Variants in CCNY observed in about 807,000 individuals in gnomAD.
The protein encoded by CCNY is cyclin-Y.
A neutral mutation model predicts 42.8 loss-of-function variants in CCNY; 19 were observed. The ratio of observed to expected loss-of-function variants is 0.44; its 90% CI spans 0.31 to 0.65. CCNY has a LOEUF of 0.65. Ranked by LOEUF, CCNY falls within the 30% of genes least tolerant of loss-of-function variation. The pLI, the probability that CCNY is intolerant of heterozygous loss-of-function variation, is 0.07. For missense variants in CCNY, 370 were observed against 437.3 expected (o/e 0.85, Z 1.37); for synonymous variants, 165 against 162.7 (o/e 1.01, Z -0.11).
intron 1 of CCNY, among the ~76,000 whole-genome samples, chr10:35,422,687 T>G (rs1241592305): frequency 6.6e-6 from 1 of 152,234 alleles, no homozygotes; most frequent in African/African-American, 2.4e-5. Flanking sequence ...AGCATTCCAT[T>G]AGAGATTTAT....
At chr10:35,561,169 T>C (rs1280405150) in intron 8 of CCNY, among the ~76,000 whole-genome samples, 1 of 152,134 alleles carries the variant, frequency 6.6e-6, no homozygotes, top group African/African-American at 2.4e-5. Flanking sequence ...AGCTTGTCCT[T>C]CTTGGCACGC....
intron 1 of CCNY, among the ~76,000 whole-genome samples, chr10:35,432,594 G>C (rs1825534384): frequency 6.6e-6 from 1 of 152,164 alleles, no homozygotes; most frequent in African/African-American, 2.4e-5. Context: ...CTGTTGGGTA[G>C]AGCATATATA....
At chr10:35,281,605 G>A (rs1835299896) in intron 3 of CCNY, among the ~76,000 whole-genome samples, 1 of 152,020 alleles carries the variant, frequency 6.6e-6, no homozygotes, top group African/African-American at 2.4e-5. Context: ...GTCTGGCCTT[G>A]TACAGGAATT....
intron 7 of CCNY, among the ~76,000 whole-genome samples, chr10:35,534,846 A>G (rs1840847535): frequency 6.6e-6 from 1 of 151,950 alleles, no homozygotes; most frequent in Admixed American, 6.6e-5. Flanking sequence ...ATGATAGTTC[A>G]TGATTGGCTT....
At chr10:35,274,413 C>T (rs1835213150) in intron 3 of CCNY, among the ~76,000 whole-genome samples, 1 of 152,142 alleles carries the variant, frequency 6.6e-6, no homozygotes, top group South Asian at 2.1e-4. Flanking sequence ...TGCTATGCAT[C>T]TTCTTAGTGG....
intron 1 of CCNY, among the ~76,000 whole-genome samples, chr10:35,444,554 G>A (rs1181739590): frequency 1.3e-5 from 2 of 152,154 alleles, no homozygotes; most frequent in African/African-American, 4.8e-5. Flanking sequence ...GGCTATAACT[G>A]TTTGACTGGC....
chr10:35,505,274 TAAA>T (rs35887849), intron 3 of CCNY, among the ~76,000 whole-genome samples: 1 of 140,108 alleles, frequency 7.1e-6, no homozygotes, highest in Admixed American at 7.2e-5. Context: ...TCTAAGAAGT[TAAA>T]AAAAAAAAAA....
chr10:35,384,803 CA>C (rs1837268564), intron 1 of CCNY, among the ~76,000 whole-genome samples: 1 of 152,186 alleles, frequency 6.6e-6, no homozygotes, highest in South Asian at 2.1e-4. Context: ...GCTTTCCTCA[CA>C]AATTGCTTCC....
At chr10:35,467,127 G>C (rs1839285587) in intron 1 of CCNY, among the ~76,000 whole-genome samples, 1 of 152,162 alleles carries the variant, frequency 6.6e-6, no homozygotes, top group Non-Finnish European at 1.5e-5. Flanking sequence ...GTTTAGGTGT[G>C]AATAATTGTA....
intron 3 of CCNY, among the ~76,000 whole-genome samples, chr10:35,288,385 A>C (rs1041367938): frequency 3.9e-5 from 6 of 152,090 alleles, no homozygotes; most frequent in Admixed American, 3.9e-4. Context: ...ATTGTTATCA[A>C]AATTTTTCTA....
chr10:35,271,389 C>T (rs1565059408), intron 3 of CCNY, among the ~76,000 whole-genome samples: 2 of 152,292 alleles, frequency 1.3e-5, no homozygotes, highest in South Asian at 2.1e-4. Flanking sequence ...GAGTCCCACA[C>T]ACTCCTTTGA....
At chr10:35,520,820 A>C (rs1192970638) in intron 4 of CCNY, among the ~76,000 whole-genome samples, 1 of 152,150 alleles carries the variant, frequency 6.6e-6, no homozygotes, top group African/African-American at 2.4e-5. Context: ...ATGAATTTAG[A>C]GTTTGTCAGC....
intron 8 of CCNY, among the ~76,000 whole-genome samples, chr10:35,560,607 A>G (rs140517934): frequency 6.6e-6 from 1 of 152,130 alleles, no homozygotes; most frequent in East Asian, 1.9e-4. Flanking sequence ...AGCCCCTAGC[A>G]TTTTCATTAC....
intron 2 of CCNY, among the ~76,000 whole-genome samples, chr10:35,484,207 A>G (rs1839736770): frequency 6.6e-6 from 1 of 152,250 alleles, no homozygotes; most frequent in Non-Finnish European, 1.5e-5. Flanking sequence ...TTACTTTAGG[A>G]TGCTGGAGTC....
chr10:35,490,858 T>C (rs944735226), intron 2 of CCNY, among the ~76,000 whole-genome samples: 1 of 152,200 alleles, frequency 6.6e-6, no homozygotes, highest in Non-Finnish European at 1.5e-5. Flanking sequence ...TGCCTTTCTT[T>C]GTGAAGTTGT....
At chr10:35,425,474 A>T (rs994484362) in intron 1 of CCNY, among the ~76,000 whole-genome samples, 3 of 152,244 alleles carry the variant, frequency 2.0e-5, no homozygotes, top group African/African-American at 7.2e-5. Context: ...AGCATTGTTT[A>T]TTATAACTCC....
At chr10:35,542,140 C>G (rs533369003) in intron 7 of CCNY, among the ~76,000 whole-genome samples, 33 of 146,088 alleles carry the variant, frequency 2.3e-4, no homozygotes, top group African/African-American at 7.7e-4. Flanking sequence ...CCGTGTCTCC[C>G]TAGTCTCCTC....
At chr10:35,252,808 A>G (rs909898422) in intron 3 of CCNY, among the ~76,000 whole-genome samples, 2 of 152,162 alleles carry the variant, frequency 1.3e-5, no homozygotes, top group African/African-American at 4.8e-5. Context: ...TTTTGTATAC[A>G]ACCTCTGTTT....
At chr10:35,362,754 A>T (rs1170973788) in intron 1 of CCNY, among the ~76,000 whole-genome samples, 1 of 147,858 alleles carries the variant, frequency 6.8e-6, no homozygotes, top group South Asian at 2.2e-4. Context: ...GCGGCCAGGC[A>T]GAGGCGCTCA....
Sources: gnomAD v4.1 joint callset for allele counts (sites outside exome capture counted in the v4.1 genomes callset) on GRCh38, gnomAD v4.1.1 for gene constraint, MANE v1.5 for transcripts, NCBI Gene and HGNC (gene_info 2026-07-23, HGNC 2026-07-21) for gene names.